Variants in TRAK1 observed in about 807,000 individuals in gnomAD.
TRAK1 encodes the protein trafficking kinesin protein 1.
Under a neutral mutation model 92.1 loss-of-function variants are expected in TRAK1, and 33 were observed. The ratio of observed to expected loss-of-function variants is 0.36; its 90% CI spans 0.27 to 0.48. The LOEUF is 0.48. TRAK1 is among the 20% of genes least tolerant of loss of function. The probability of loss-of-function intolerance (pLI) is 0.99; values close to 1 mark genes in which losing one functional copy is unlikely to be tolerated. For synonymous variants in TRAK1, 521 were observed against 517.3 expected (o/e 1.01, Z -0.10); for missense variants, 1,123 against 1,257.9 (o/e 0.89, Z 1.62).
chr3:42,116,941 C>T (rs1054845191), intron 1 of TRAK1, among the ~76,000 whole-genome samples: 1 of 152,128 alleles, frequency 6.6e-6, no homozygotes, highest in African/African-American at 2.4e-5. Context: ...AGTGTGGCGC[C>T]AGGATGGAAG....
At chr3:42,034,578 A>G (rs998889291) in intron 1 of TRAK1, among the ~76,000 whole-genome samples, 9 of 152,304 alleles carry the variant, frequency 5.9e-5, no homozygotes, top group South Asian at 2.1e-4. Flanking sequence ...GACATGAGCC[A>G]CTGCATCTGG....
At chr3:42,053,417 A>G in intron 1 of TRAK1, among the ~76,000 whole-genome samples, 2 of 140,582 alleles carry the variant, frequency 1.4e-5, no homozygotes, top group Non-Finnish European at 1.6e-5. Flanking sequence ...AGGGTAAAAG[A>G]GGACCCTTAG....
intron 1 of TRAK1, among the ~76,000 whole-genome samples, chr3:42,050,024 G>T (rs1405173523): frequency 1.3e-5 from 2 of 152,174 alleles, no homozygotes; most frequent in Non-Finnish European, 2.9e-5. Context: ...CAGTAGGGCT[G>T]TGTTATGAAC....
At chr3:42,201,097 GAGTGGT>G (rs781190204) in intron 12 of TRAK1, 43 bp downstream of exon 12, 11 of 1,587,876 alleles carry the variant, frequency 6.9e-6, no homozygotes, top group Non-Finnish European at 6.1e-6. Flanking sequence ...TTGGGGTGAG[GAGTGGT>G]AGTATGGATT....
chr3:42,150,754 A>T (rs1240858425), intron 2 of TRAK1, among the ~76,000 whole-genome samples: 1 of 152,162 alleles, frequency 6.6e-6, no homozygotes, highest in African/African-American at 2.4e-5. Flanking sequence ...GTGTGGAAAA[A>T]CTATGCCAGT....
intron 3 of TRAK1, among the ~76,000 whole-genome samples, chr3:42,183,327 G>T (rs897074511): frequency 5.3e-5 from 8 of 151,962 alleles, no homozygotes; most frequent in Admixed American, 4.6e-4. Flanking sequence ...AGGTCGAGGA[G>T]GGCGAATCAC....
intron 1 of TRAK1, 118 bp from the exon 2 acceptor site, chr3:42,125,302 C>T (rs1471230868): frequency 9.3e-6 from 8 of 858,188 alleles, no homozygotes; most frequent in African/African-American, 1.7e-5. Context: ...CCTTGTCTAG[C>T]TTCTTTGTGC....
chr3:42,165,576 C>T (rs1701757628), intron 2 of TRAK1, among the ~76,000 whole-genome samples: 1 of 152,086 alleles, frequency 6.6e-6, no homozygotes, highest in African/African-American at 2.4e-5. Context: ...GGTTGTGATG[C>T]GTCAGGCTTT....
intron 2 of TRAK1, among the ~76,000 whole-genome samples, chr3:42,128,385 C>G (rs1458187273): frequency 1.3e-5 from 2 of 152,186 alleles, no homozygotes; most frequent in African/African-American, 4.8e-5. Context: ...GCCTGCTTGC[C>G]TCCAAGCCTT....
chr3:42,087,098 C>G (rs908876442), upstream of TRAK1: 3 of 152,410 alleles, frequency 2.0e-5, no homozygotes, highest in African/African-American at 7.2e-5. Context: ...TTCAATTGTC[C>G]CATAGATTCC....
At chr3:42,123,553 C>A (rs990141982) in intron 1 of TRAK1, among the ~76,000 whole-genome samples, 4 of 152,274 alleles carry the variant, frequency 2.6e-5, no homozygotes, top group Admixed American at 6.5e-5. Context: ...TGCAGACATG[C>A]ACGCATGTGC....
chr3:42,137,432 C>A (rs1698091064), intron 2 of TRAK1, among the ~76,000 whole-genome samples: 1 of 152,210 alleles, frequency 6.6e-6, no homozygotes, highest in South Asian at 2.1e-4. Flanking sequence ...GATGTCTTAC[C>A]TCTTTCTTAG....
chr3:42,212,012 T>G, intron 14 of TRAK1: 1 of 985,458 alleles, frequency 1.0e-6, no homozygotes, highest in South Asian at 4.7e-5. Context: ...GGCTCATCTT[T>G]AAAAACTGGC....
chr3:42,037,053 CTT>C (rs1559713873), intron 1 of TRAK1, among the ~76,000 whole-genome samples: 1 of 152,062 alleles, frequency 6.6e-6, no homozygotes, highest in Non-Finnish European at 1.5e-5. Flanking sequence ...ATCTCATACT[CTT>C]AGGCTCCAGC....
At chr3:42,086,683 A>C (rs1704695243), upstream of TRAK1, among the ~76,000 whole-genome samples, 1 of 152,176 alleles carries the variant, frequency 6.6e-6, no homozygotes, top group Non-Finnish European at 1.5e-5. Flanking sequence ...GGCATACCTT[A>C]AAGTTCTTAG....
At chr3:42,191,840 T>G (rs1452883445) in intron 7 of TRAK1, among the ~76,000 whole-genome samples, 1 of 151,838 alleles carries the variant, frequency 6.6e-6, no homozygotes, top group Non-Finnish European at 1.5e-5. Flanking sequence ...TTATCTCAGT[T>G]TATCACTGAG....
At chr3:42,075,424 T>C (rs990388369) in intron 1 of TRAK1, among the ~76,000 whole-genome samples, 9 of 151,832 alleles carry the variant, frequency 5.9e-5, no homozygotes, top group African/African-American at 1.9e-4. Context: ...TCAAGTGCTA[T>C]TGTGAAGAGT....
chr3:42,223,706 C>T lies in TRAK1; in HGVS notation c.2831C>T (p.Ala944Val). ...VTLTSGILMG[A>V]KLSKQTSLR ...CTCACCTCGGGCATCTTGATGGGTG[C>T]TAAGCTCTCCAAACAAACTAGCTTA... The change falls in exon 16 of 16, where the codon GCT becomes GTT. Residue 944 changes from alanine to valine, a missense_variant. Around this residue, in one of 3 missense-constraint regions of TRAK1, gnomAD observed 401 missense variants for 438.9 expected, o/e 0.91. Transcript: ENST00000327628. This position sits in a 1 kb window ranked among gnomAD's most constrained non-coding sequence, Gnocchi z 6.1. The T allele has an allele frequency of 1.2e-6, 2 of 1,608,904 alleles. No homozygotes were observed. The highest frequency in any genetic ancestry group is 1.7e-6 in the Non-Finnish European group (2 of 1,175,684).
At chr3:42,049,388 T>C (rs1322421323) in intron 1 of TRAK1, among the ~76,000 whole-genome samples, 3 of 152,052 alleles carry the variant, frequency 2.0e-5, no homozygotes, top group Non-Finnish European at 4.4e-5. Context: ...GGTGGTACTT[T>C]TAAAATTCAT....
Sources: gnomAD v4.1 joint callset for allele counts (sites outside exome capture counted in the v4.1 genomes callset) on GRCh38, gnomAD v4.1.1 for gene constraint, gnomAD v4.1.1 regional missense constraint, Gnocchi (gnomAD v3.1) non-coding constraint, MANE v1.5 for transcripts, NCBI Gene and HGNC (gene_info 2026-07-23, HGNC 2026-07-21) for gene names.